Variants in RIPOR3 observed in about 807,000 individuals in gnomAD.
RIPOR3 encodes the protein family with sequence similarity 65 member C.
In RIPOR3, 95 loss-of-function variants were observed where a neutral mutation model predicts 114.3. That is an observed-to-expected ratio of 0.83 (90% CI 0.70 to 0.99). The LOEUF is 0.99. Ranked by LOEUF, RIPOR3 falls within the 50% of genes least tolerant of loss-of-function variation. The pLI, the probability that RIPOR3 is intolerant of heterozygous loss-of-function variation, is 0.00. For missense variants in RIPOR3, 1,252 were observed against 1,266.9 expected, an observed-to-expected ratio of 0.99 and a Z score of 0.18; for synonymous variants, 575 against 543.8, an observed-to-expected ratio of 1.06 and a Z score of -0.80.
At chr20:50,650,126 G>A (rs954523839) in intron 1 of RIPOR3, among the ~76,000 whole-genome samples, 8 of 152,112 alleles carry the variant, frequency 5.3e-5, no homozygotes, top group Non-Finnish European at 1.2e-4. Flanking sequence ...CCTCTTCCAG[G>A]TTGCAGACTA....
rs926778070 is a variant in RIPOR3 at position 50,602,789 on chromosome 20, G to A, written c.1087-145C>T. 9.5e-6 allele frequency: 5 copies of A among 525,430 alleles called. No homozygotes were observed. The highest frequency in any genetic ancestry group is 1.5e-5 in the Non-Finnish European group (5 of 336,026). 32.5% of individuals were successfully genotyped at this position (525,430 alleles called of 1,614,324 possible). A position where few individuals can be genotyped will look rare whatever the true frequency, so the allele number is the denominator to read the frequency against. Reference sequence around the variant, plus strand: ...GCCTGCCGAGGTGACCAGCATCCCAGAGGTGCAGAAAAAACCCTGTCCCCT... The same window carrying A: ...GCCTGCCGAGGTGACCAGCATCCCAAAGGTGCAGAAAAAACCCTGTCCCCT... On this transcript the variant is annotated intron_variant, in intron 12 of 21. Transcript: ENST00000327979. The surrounding 1 kb of genome is among the most constrained non-coding windows in gnomAD (Gnocchi z 4.3).
intron 1 of RIPOR3, among the ~76,000 whole-genome samples, chr20:50,638,626 C>T (rs765889324): frequency 5.1e-4 from 77 of 152,006 alleles, no homozygotes; most frequent in South Asian, 6.2e-4. Flanking sequence ...GTCGGGGCGC[C>T]AGGTGGGAAG....
At chr20:50,603,239 TTTTTG>T (rs568585212) in intron 12 of RIPOR3, among the ~76,000 whole-genome samples, 3 of 152,014 alleles carry the variant, frequency 2.0e-5, no homozygotes, top group Non-Finnish European at 2.9e-5. Flanking sequence ...ATAGTTTCGG[TTTTTG>T]TTTTGTTTTG....
intron 3 of RIPOR3, among the ~76,000 whole-genome samples, chr20:50,616,779 C>T (rs980317159): frequency 2.0e-5 from 3 of 152,200 alleles, no homozygotes; most frequent in African/African-American, 7.2e-5. Context: ...AATCTTCATC[C>T]CCATGTTATA....
intron 1 of RIPOR3, among the ~76,000 whole-genome samples, chr20:50,667,705 G>A (rs536447527): frequency 6.6e-6 from 1 of 152,292 alleles, no homozygotes; most frequent in African/African-American, 2.4e-5. Context: ...GGGCATTTCT[G>A]AAGTCTGGCC....
chr20:50,649,067 G>A (rs1440619470), intron 1 of RIPOR3, among the ~76,000 whole-genome samples: 3 of 152,148 alleles, frequency 2.0e-5, no homozygotes, highest in East Asian at 1.9e-4. Flanking sequence ...GCTGCATGAC[G>A]CCAATCTCTG....
Position 50,589,781 on chromosome 20 carries a change from A to C in RIPOR3, c.2578-12T>G, listed in dbSNP as rs372668224. 6.2e-7 allele frequency: 1 copy of C among 1,611,174 alleles called. No homozygotes were observed. The highest frequency in any genetic ancestry group is 1.3e-5 in the African/African-American group (1 of 74,952). ...TAGAACAGCAAAGCCTGGGGAGAGT[A>C]AGGAGGCTGTGAATGGAGGGGTAAG... On this transcript the variant is annotated splice_polypyrimidine_tract_variant and intron_variant, in intron 19 of 21. Coordinates refer to ENST00000327979, the MANE Select transcript of RIPOR3 (RefSeq NM_001290268.2).
chr20:50,609,634 G>GA lies in RIPOR3; in HGVS notation c.514_515insT (p.Pro172LeufsTer57). The stretch of plus-strand genomic sequence containing the variant: ...CAGGCTCTCTCGGGCTGCGCGGCTC[G>GA]GGGGGCACCGGGCGAAGGCCCGCTG... On this transcript the variant is annotated frameshift_variant, in exon 7 of 22. Coordinates refer to ENST00000327979, the MANE Select transcript of RIPOR3 (RefSeq NM_001290268.2). LOFTEE classifies it high-confidence loss of function. 7.1e-7 allele frequency: 1 copy of GA among 1,400,408 alleles called. No homozygotes were observed. Among genetic ancestry groups the GA allele is most frequent in the Non-Finnish European group, 9.3e-7 (1 of 1,080,974 alleles). 86.7% of individuals were successfully genotyped at this position (1,400,408 alleles called of 1,614,324 possible). A position where few individuals can be genotyped will look rare whatever the true frequency, so the allele number is the denominator to read the frequency against.
Position 50,604,986 on chromosome 20 carries a change from C to T in RIPOR3, c.957-212G>A, listed in dbSNP as rs747152881. Among the ~76,000 whole-genome samples the T allele has an allele frequency of 9.2e-5, 14 of 152,296 alleles. No individual in the cohort carries two copies. In the East Asian group the frequency reaches 2.7e-3, roughly 29 times the overall value. On this transcript the variant is annotated intron_variant, in intron 11 of 21. Coordinates refer to ENST00000327979, the MANE Select transcript of RIPOR3 (RefSeq NM_001290268.2). ...TGCCCAGGTTGGAATGCAGTGGTGCCACCACAGCTCACTGCATCCTTGAAC... is the reference window on the plus strand; with the variant it reads ...TGCCCAGGTTGGAATGCAGTGGTGCTACCACAGCTCACTGCATCCTTGAAC...
At chr20:50,643,301 T>G (rs1442956019) in intron 1 of RIPOR3, among the ~76,000 whole-genome samples, 3 of 121,522 alleles carry the variant, frequency 2.5e-5, no homozygotes, top group Non-Finnish European at 3.7e-5. Flanking sequence ...TTTGTGTGTG[T>G]TTTTTTTTTT....
intron 20 of RIPOR3, 89 bp from the exon 21 acceptor site, chr20:50,587,981 A>G (rs781044685): frequency 1.6e-6 from 2 of 1,234,812 alleles, no homozygotes; most frequent in Non-Finnish European, 2.3e-6. Flanking sequence ...GGCCAGTCCT[A>G]GCATGGTCTC....
At chr20:50,644,336 G>A (rs538348896) in intron 1 of RIPOR3, among the ~76,000 whole-genome samples, 18 of 152,196 alleles carry the variant, frequency 1.2e-4, no homozygotes, top group Admixed American at 3.3e-4. Context: ...TGCTAAAATA[G>A]ATATGTTAAT....
chr20:50,618,658 T>C (rs546210140), intron 3 of RIPOR3, among the ~76,000 whole-genome samples: 1 of 152,308 alleles, frequency 6.6e-6, no homozygotes, highest in Non-Finnish European at 1.5e-5. Context: ...ATATTCTCTG[T>C]ACTTTTCTTT....
chr20:50,617,360 C>T (rs2084215151), intron 3 of RIPOR3, among the ~76,000 whole-genome samples: 1 of 152,168 alleles, frequency 6.6e-6, no homozygotes, highest in African/African-American at 2.4e-5. Context: ...AAGTCTCAAA[C>T]ATGTGGTCCT....
intron 1 of RIPOR3, among the ~76,000 whole-genome samples, chr20:50,676,769 C>CT (rs1310891448): frequency 0.012 from 1,645 of 132,784 alleles, 34 homozygotes; most frequent in African/African-American, 0.033. Flanking sequence ...CCAGATTCTA[C>CT]TTTTTTTTTT....
intron 11 of RIPOR3, among the ~76,000 whole-genome samples, chr20:50,608,001 C>T (rs1185350070): frequency 2.6e-5 from 4 of 152,110 alleles, no homozygotes; most frequent in South Asian, 2.1e-4. Context: ...CGCAGGTGAC[C>T]GCTCAGCCCC....
chr20:50,597,751 C>A, intron 13 of RIPOR3, 41 bp from the exon 14 acceptor site: 1 of 1,600,480 alleles, frequency 6.2e-7, no homozygotes, highest in East Asian at 2.3e-5. Flanking sequence ...ACACCGGGCC[C>A]CACCCACCCG....
chr20:50,627,267 G>A (rs2084653667), intron 2 of RIPOR3, among the ~76,000 whole-genome samples: 1 of 151,738 alleles, frequency 6.6e-6, no homozygotes, highest in African/African-American at 2.4e-5. Flanking sequence ...CTGGGAGGCC[G>A]AGGCAGGTGG....
intron 1 of RIPOR3, among the ~76,000 whole-genome samples, chr20:50,651,641 C>T (rs1372826132): frequency 1.3e-5 from 2 of 152,190 alleles, no homozygotes; most frequent in Non-Finnish European, 2.9e-5. Context: ...CACTCCCTTC[C>T]TCACCTCTTA....
Sources: allele counts gnomAD v4.1 joint callset (sites outside exome capture counted in the v4.1 genomes callset), GRCh38; gene constraint gnomAD v4.1.1; non-coding constraint Gnocchi (gnomAD v3.1); transcripts MANE v1.5; gene names NCBI Gene and HGNC (gene_info 2026-07-23, HGNC 2026-07-21).